The following SGCZ variants were observed in gnomAD, a reference collection of about 807,000 sequenced individuals.
SGCZ encodes zeta-sarcoglycan.
A neutral mutation model predicts 41.3 loss-of-function variants in SGCZ; 40 were observed. That is an observed-to-expected ratio of 0.97 (90% CI 0.75 to 1.26). The LOEUF is 1.26. SGCZ is among the 50% of genes most tolerant of loss of function. The probability of loss-of-function intolerance (pLI) is 0.00; values close to 1 mark genes in which losing one functional copy is unlikely to be tolerated. For synonymous variants in SGCZ, 206 were observed against 137.5 expected (o/e 1.50, Z -3.49); for missense variants, 552 against 369.8 (o/e 1.49, Z -4.04).
intron 4 of SGCZ, among the ~76,000 whole-genome samples, chr8:14,194,586 A>G (rs558566311): frequency 6.6e-6 from 1 of 152,016 alleles, no homozygotes; most frequent in Non-Finnish European, 1.5e-5. Context: ...TAACATAATA[A>G]TAAAAATAAT....
At chr8:14,396,260 C>G (rs1192426188) in intron 2 of SGCZ, among the ~76,000 whole-genome samples, 1 of 152,130 alleles carries the variant, frequency 6.6e-6, no homozygotes, top group East Asian at 1.9e-4. Context: ...AAGGTAAGGA[C>G]TTAAAATGAA....
intron 1 of SGCZ, among the ~76,000 whole-genome samples, chr8:15,091,901 C>T (rs1806166159): frequency 6.6e-6 from 1 of 152,010 alleles, no homozygotes; most frequent in Non-Finnish European, 1.5e-5. Flanking sequence ...TACAAGCTCA[C>T]ACCATTATGC....
Position 14,686,930 on chromosome 8 carries a change from A to G in SGCZ, c.40-132004T>C, listed in dbSNP as rs377261492. ...TTTTCAAACTGGGTCCCTGAATTGT[A>G]CTTGAGCCTTTGCAACTCACCTCAC... On this transcript the variant is annotated intron_variant, in intron 1 of 7. Transcript: ENST00000382080. Among the ~76,000 whole-genome samples, 196 of 152,072 alleles carry G rather than the reference A, an allele frequency of 1.3e-3. 2 individuals carry two copies. Among genetic ancestry groups the G allele is most frequent in the Middle Eastern group, 3.4e-3 (1 of 294 alleles).
intron 1 of SGCZ, among the ~76,000 whole-genome samples, chr8:14,595,286 A>T (rs975462502): frequency 6.6e-6 from 1 of 152,146 alleles, no homozygotes; most frequent in Admixed American, 6.6e-5. Flanking sequence ...AAACATATTA[A>T]ATATTTCCTC....
intron 1 of SGCZ, chr8:14,853,542 T>C (rs1048781764): frequency 1.9e-6 from 1 of 525,320 alleles, no homozygotes; most frequent in Non-Finnish European, 3.9e-6. Context: ...AGTCTCTTGA[T>C]AAATTATGCA....
chr8:15,139,600 C>T (rs1444782345), intron 1 of SGCZ, among the ~76,000 whole-genome samples: 1 of 152,040 alleles, frequency 6.6e-6, no homozygotes, highest in African/African-American at 2.4e-5. Flanking sequence ...GCATATCTAC[C>T]ATTTCACACT....
intron 5 of SGCZ, among the ~76,000 whole-genome samples, chr8:14,150,864 C>T (rs1803684585): frequency 6.6e-6 from 1 of 152,160 alleles, no homozygotes; most frequent in African/African-American, 2.4e-5. Flanking sequence ...GAAATCCAGT[C>T]ACTTGCATCA....
intron 2 of SGCZ, among the ~76,000 whole-genome samples, chr8:14,414,216 G>A (rs1471336): frequency 0.24 from 35,820 of 151,406 alleles, 4,388 homozygotes; most frequent in Non-Finnish European, 0.29. Context: ...ATACAGACAC[G>A]CACACGCTAG....
At chr8:15,075,509 C>T (rs1242835408) in intron 1 of SGCZ, among the ~76,000 whole-genome samples, 2 of 152,024 alleles carry the variant, frequency 1.3e-5, no homozygotes, top group African/African-American at 4.8e-5. Flanking sequence ...TGGTTCCAGC[C>T]TAACACCCTC....
chr8:14,531,962 A>G (rs562450668), intron 2 of SGCZ, among the ~76,000 whole-genome samples: 1 of 152,276 alleles, frequency 6.6e-6, no homozygotes, highest in African/African-American at 2.4e-5. Context: ...AATTCTACAT[A>G]TAAAACATAA....
At chr8:14,429,060 A>G (rs17242877) in intron 2 of SGCZ, among the ~76,000 whole-genome samples, 29,811 of 152,212 alleles carry the variant, frequency 0.2, 3,675 homozygotes, top group Non-Finnish European at 0.28. Flanking sequence ...CACGTTATAC[A>G]AACTTGGCAC....
At chr8:14,915,800 T>C (rs1450387464) in intron 1 of SGCZ, among the ~76,000 whole-genome samples, 1 of 152,168 alleles carries the variant, frequency 6.6e-6, no homozygotes, top group African/African-American at 2.4e-5. Flanking sequence ...TGCTCTCCTC[T>C]CTCCGTTCTT....
chr8:15,178,564 A>G (rs1478267869), intron 1 of SGCZ, among the ~76,000 whole-genome samples: 1 of 152,218 alleles, frequency 6.6e-6, no homozygotes, highest in Non-Finnish European at 1.5e-5. Context: ...ATAATAATAC[A>G]TTGTTGCTAA....
intron 1 of SGCZ, among the ~76,000 whole-genome samples, chr8:15,023,754 T>C (rs1803343650): frequency 6.6e-6 from 1 of 152,168 alleles, no homozygotes; most frequent in Admixed American, 6.5e-5. Context: ...TATTGAATAG[T>C]GGACAGTAGA....
chr8:14,822,003 T>C lies in SGCZ; in HGVS notation c.40-267077A>G, dbSNP rs182049472. 2.2e-4 allele frequency among the ~76,000 whole-genome samples: 34 copies of C among 151,394 alleles called. No individual in the cohort carries two copies. The East Asian group carries it at 4.5e-3, about 20-fold the overall frequency. The stretch of plus-strand genomic sequence containing the variant: ...AGAAAAAATATTAAGGACATCCAAA[T>C]TGAAAACAAAGAAGTCAATTGTCCC... On this transcript the variant is annotated intron_variant, in intron 1 of 7. Transcript: ENST00000382080.
chr8:14,770,574 C>T (rs1800202636), intron 1 of SGCZ, among the ~76,000 whole-genome samples: 1 of 151,832 alleles, frequency 6.6e-6, no homozygotes, highest in Admixed American at 6.6e-5. Context: ...ATAAAGTATA[C>T]ATATATGGTG....
At chr8:14,543,174 T>G (rs999564692) in intron 2 of SGCZ, among the ~76,000 whole-genome samples, 3 of 152,172 alleles carry the variant, frequency 2.0e-5, no homozygotes, top group African/African-American at 7.2e-5. Flanking sequence ...ATGATTAAAA[T>G]AAAACTATGT....
intron 4 of SGCZ, among the ~76,000 whole-genome samples, chr8:14,193,933 A>G (rs1182022616): frequency 2.0e-5 from 3 of 151,864 alleles, no homozygotes; most frequent in Admixed American, 1.3e-4. Flanking sequence ...ATGTTAATTA[A>G]ATTTTCACCT....
intron 1 of SGCZ, among the ~76,000 whole-genome samples, chr8:15,136,188 G>C (rs1161652688): frequency 6.6e-6 from 1 of 152,030 alleles, no homozygotes; most frequent in Non-Finnish European, 1.5e-5. Context: ...CTCCTGAGTA[G>C]AGTCCTGCCT....
Sources: gnomAD v4.1 joint callset for allele counts (sites outside exome capture counted in the v4.1 genomes callset) on GRCh38, gnomAD v4.1.1 for gene constraint, MANE v1.5 for transcripts, NCBI Gene and HGNC (gene_info 2026-07-23, HGNC 2026-07-21) for gene names.